GRID2: variants seen among roughly 807,000 people sequenced by gnomAD.
GRID2 encodes glutamate ionotropic receptor delta type subunit 2.
Under a neutral mutation model 114.8 loss-of-function variants are expected in GRID2, and 33 were observed. The ratio of observed to expected loss-of-function variants is 0.29; its 90% CI spans 0.22 to 0.38. The LOEUF (loss-of-function observed/expected upper bound fraction) is 0.38. Ranked by LOEUF, GRID2 falls within the 10% of genes least tolerant of loss-of-function variation. The pLI, the probability that GRID2 is intolerant of heterozygous loss-of-function variation, is 1.00. For missense variants in GRID2, 1,184 were observed against 1,257.7 expected, an observed-to-expected ratio of 0.94 and a Z score of 0.89; for synonymous variants, 505 against 449.9, an observed-to-expected ratio of 1.12 and a Z score of -1.55.
At chr4:92,549,989 A>C (rs1424927958) in intron 1 of GRID2, among the ~76,000 whole-genome samples, 1 of 152,196 alleles carries the variant, frequency 6.6e-6, no homozygotes, top group East Asian at 1.9e-4. Context: ...ATTAAATAAA[A>C]TGCAACATTT....
chr4:93,376,802 C>T (rs1486569893), intron 8 of GRID2, among the ~76,000 whole-genome samples: 2 of 152,158 alleles, frequency 1.3e-5, no homozygotes. Flanking sequence ...GGGAACAACA[C>T]ACACTGGGGC....
At chr4:93,784,064 T>G (rs1242508169) in intron 1 of GRID2, among the ~76,000 whole-genome samples, 1 of 75,116 alleles carries the variant, frequency 1.3e-5, no homozygotes, top group African/African-American at 6.8e-5. Context: ...AGAGCGAGAC[T>G]CCGTCTCAAA....
At chr4:93,158,888 G>C (rs1175150979) in intron 4 of GRID2, among the ~76,000 whole-genome samples, 1 of 151,488 alleles carries the variant, frequency 6.6e-6, no homozygotes, top group Non-Finnish European at 1.5e-5. Context: ...AGATAACAGT[G>C]CTATTAAGTT....
At chr4:92,936,615 A>G (rs1477160469) in intron 2 of GRID2, among the ~76,000 whole-genome samples, 1 of 145,962 alleles carries the variant, frequency 6.9e-6, no homozygotes, top group Non-Finnish European at 1.5e-5. Flanking sequence ...TTCAACATCA[A>G]ATTTGTAGGC....
chr4:92,520,844 A>G (rs760725383), intron 1 of GRID2, among the ~76,000 whole-genome samples: 50 of 151,912 alleles, frequency 3.3e-4, no homozygotes, highest in Admixed American at 7.2e-4. Flanking sequence ...TCCCTTTGTA[A>G]CTAAGATCTC....
chr4:92,819,602 AATTAATGGTC>A lies in GRID2; in HGVS notation c.244+229320_244+229329del, dbSNP rs1479886199. Among the ~76,000 whole-genome samples, 3 of 152,094 alleles carry A rather than the reference AATTAATGGTC, an allele frequency of 2.0e-5. No individual in the cohort carries two copies. The East Asian group carries it at 5.8e-4, about 29-fold the overall frequency. On this transcript the variant is annotated intron_variant, in intron 2 of 15. Transcript: ENST00000282020. ...AATACTTAGTATTTGGAGTCAGTTT[AATTAATGGTC>A]ATTCTTACTATTTAAAAAAAATAAA...
chr4:93,171,120 A>G (rs1738775204), intron 4 of GRID2, among the ~76,000 whole-genome samples: 1 of 152,170 alleles, frequency 6.6e-6, no homozygotes, highest in South Asian at 2.1e-4. Context: ...TAGTAAAATA[A>G]AAAGGCTTTG....
intron 1 of GRID2, among the ~76,000 whole-genome samples, chr4:92,510,100 T>C (rs575373893): frequency 6.6e-6 from 1 of 152,034 alleles, no homozygotes; most frequent in South Asian, 2.1e-4. Context: ...AAACAACAGC[T>C]ACAATAATCT....
At chr4:92,409,262 A>G (rs1236326124) in intron 1 of GRID2, among the ~76,000 whole-genome samples, 1 of 152,146 alleles carries the variant, frequency 6.6e-6, no homozygotes, top group Non-Finnish European at 1.5e-5. Context: ...CAACAGAGGC[A>G]TGAAGAGACA....
Position 93,759,776 on chromosome 4 carries a change from G to T in GRID2, c.2361-9434G>T, listed in dbSNP as rs115321684. The stretch of plus-strand genomic sequence containing the variant: ...TCATGTGGCTCTCTGGGGACATAAA[G>T]ATGTGTCATACAAAGTGTAATGTTT... On this transcript the variant is annotated intron_variant, in intron 14 of 15. Transcript: ENST00000282020. 1.8e-3 allele frequency among the ~76,000 whole-genome samples: 276 copies of T among 152,292 alleles called. 1 individual carries two copies. The highest frequency in any genetic ancestry group is 6.4e-3 in the African/African-American group (265 of 41,576).
At chr4:92,749,839 G>C (rs1015013306) in intron 2 of GRID2, among the ~76,000 whole-genome samples, 1 of 151,848 alleles carries the variant, frequency 6.6e-6, no homozygotes, top group Non-Finnish European at 1.5e-5. Flanking sequence ...GACATCTCCA[G>C]GCACCTCACA....
At chr4:93,542,492 T>C (rs768574472) in intron 13 of GRID2, among the ~76,000 whole-genome samples, 3 of 152,102 alleles carry the variant, frequency 2.0e-5, no homozygotes, top group Non-Finnish European at 4.4e-5. Context: ...AACCACATCA[T>C]AGAATAAGAA....
At chr4:93,290,872 CTTTTTTTT>C (rs56735687) in intron 8 of GRID2, among the ~76,000 whole-genome samples, 11 of 88,530 alleles carry the variant, frequency 1.2e-4, no homozygotes, top group East Asian at 3.3e-4. Flanking sequence ...ATACAAGTTA[CTTTTTTTT>C]TTTTTTTTTT....
chr4:93,740,611 T>G (rs1436996098), intron 14 of GRID2, among the ~76,000 whole-genome samples: 1 of 152,212 alleles, frequency 6.6e-6, no homozygotes. Context: ...ATAAAGTGTA[T>G]AGATACATAT....
chr4:93,193,928 C>A (rs573030097), intron 4 of GRID2, among the ~76,000 whole-genome samples: 5 of 152,346 alleles, frequency 3.3e-5, no homozygotes, highest in African/African-American at 1.2e-4. Context: ...TAGTCCTATT[C>A]TGTAGTTCCT....
At chr4:92,312,555 C>T (rs967811832) in intron 1 of GRID2, among the ~76,000 whole-genome samples, 4 of 152,006 alleles carry the variant, frequency 2.6e-5, no homozygotes, top group South Asian at 2.1e-4. Context: ...AAATGTGTTA[C>T]TGTTGACTAA....
intron 2 of GRID2, among the ~76,000 whole-genome samples, chr4:92,689,250 T>C (rs1045042605): frequency 6.6e-6 from 1 of 152,196 alleles, no homozygotes; most frequent in Non-Finnish European, 1.5e-5. Context: ...AAATTTATGT[T>C]TCCCCCTAAA....
intron 13 of GRID2, among the ~76,000 whole-genome samples, chr4:93,539,528 C>T (rs138327620): frequency 2.0e-5 from 3 of 152,096 alleles, no homozygotes; most frequent in Non-Finnish European, 4.4e-5. Context: ...TCTGTTTTCC[C>T]TTAGCATGTG....
Position 92,427,457 on chromosome 4 carries a change from GT to G in GRID2, c.88+122715del, listed in dbSNP as rs1268492937. Among the ~76,000 whole-genome samples the G allele has an allele frequency of 2.6e-5, 4 of 152,068 alleles. No individual in the cohort carries two copies. In the East Asian group the frequency reaches 7.7e-4, roughly 29 times the overall value. ...ATTATTGATAAAAAACTGTTTTCTTGTTGTTAAATGCTGTATTTTCAGTCCA... is the reference window on the plus strand; with the variant it reads ...ATTATTGATAAAAAACTGTTTTCTTGTGTTAAATGCTGTATTTTCAGTCCA... On this transcript the variant is annotated intron_variant, in intron 1 of 15. Transcript: ENST00000282020.
Sources: allele counts gnomAD v4.1 joint callset (sites outside exome capture counted in the v4.1 genomes callset), GRCh38; gene constraint gnomAD v4.1.1; transcripts MANE v1.5; gene names NCBI Gene and HGNC (gene_info 2026-07-23, HGNC 2026-07-21).